The following DGKB variants were observed in gnomAD, a reference collection of about 807,000 sequenced individuals.
DGKB encodes the protein diacylglycerol kinase beta, also known as 90 kDa diacylglycerol kinase.
In DGKB, 67 loss-of-function variants were observed where a neutral mutation model predicts 114.3. The ratio of observed to expected loss-of-function variants is 0.59; its 90% CI spans 0.48 to 0.72. The LOEUF is 0.72. Ranked by LOEUF, DGKB falls within the 30% of genes least tolerant of loss-of-function variation. DGKB has a pLI of 0.00. For missense variants in DGKB, 907 were observed against 975.2 expected (o/e 0.93, Z 0.93); for synonymous variants, 398 against 323.1 (o/e 1.23, Z -2.49).
intron 13 of DGKB, among the ~76,000 whole-genome samples, chr7:14,634,092 G>A (rs905596904): frequency 2.0e-5 from 3 of 150,984 alleles, no homozygotes; most frequent in African/African-American, 7.3e-5. Context: ...AGTTATTTCA[G>A]GCTAAAGGAA....
chr7:14,470,847 G>T (rs1781175185), intron 21 of DGKB, among the ~76,000 whole-genome samples: 1 of 151,508 alleles, frequency 6.6e-6, no homozygotes, highest in Non-Finnish European at 1.5e-5. Context: ...ATATCATCAT[G>T]ATGTAAGACA....
At chr7:14,942,109 TA>T (rs1238816154) in intron 1 of DGKB, among the ~76,000 whole-genome samples, 5 of 151,350 alleles carry the variant, frequency 3.3e-5, no homozygotes, top group Non-Finnish European at 5.9e-5. Flanking sequence ...GACCTCAGAT[TA>T]AAAAAACTTT....
intron 21 of DGKB, among the ~76,000 whole-genome samples, chr7:14,437,534 A>G (rs887576118): frequency 6.6e-6 from 1 of 152,010 alleles, no homozygotes; most frequent in Non-Finnish European, 1.5e-5. Context: ...AAAATTATTT[A>G]CTTACCAAAT....
Position 14,917,325 on chromosome 7 carries a change from A to T in DGKB, c.-188+57371T>A, listed in dbSNP as rs548851601. ...AAAACATGAAATCAATAGCAAAAAA[A>T]TCAATGAAAGCAAAAGTTAGATCTT... is the stretch of plus-strand genomic sequence containing the variant. On this transcript the variant is annotated intron_variant, in intron 1 of 4. Coordinates refer to the DGKB transcript ENST00000437998. 1.2e-4 allele frequency among the ~76,000 whole-genome samples: 19 copies of T among 152,224 alleles called. No homozygotes were observed. The South Asian group carries it at 3.9e-3, about 32-fold the overall frequency.
intron 23 of DGKB, among the ~76,000 whole-genome samples, chr7:14,216,090 C>T (rs1373079534): frequency 6.6e-6 from 1 of 151,614 alleles, no homozygotes; most frequent in African/African-American, 2.4e-5. Context: ...ATGAGTATAA[C>T]AAATTTAAAA....
chr7:14,541,458 A>G (rs1793431740), intron 20 of DGKB, among the ~76,000 whole-genome samples: 1 of 152,224 alleles, frequency 6.6e-6, no homozygotes, highest in Non-Finnish European at 1.5e-5. Context: ...ATTGAGAATA[A>G]GCAAGTCATA....
chr7:14,871,084 C>T (rs60790447), intron 1 of DGKB, among the ~76,000 whole-genome samples: 14 of 204 alleles, frequency 0.069, 7 homozygotes, highest in African/African-American at 0.069. Flanking sequence ...GAGCGAGACT[C>T]CGTCTCAAAA....
intron 8 of DGKB, 98 bp from the exon 9 acceptor site, chr7:14,694,292 G>T: frequency 1.9e-6 from 2 of 1,080,868 alleles, no homozygotes; most frequent in South Asian, 1.5e-5. Context: ...TAAGTGGAGA[G>T]TTGGGATAAC....
intron 6 of DGKB, among the ~76,000 whole-genome samples, chr7:14,712,621 A>C (rs1827555769): frequency 6.6e-6 from 1 of 152,088 alleles, no homozygotes; most frequent in South Asian, 2.1e-4. Context: ...CAGGGAGCCA[A>C]GACTGTGCCA....
intron 12 of DGKB, among the ~76,000 whole-genome samples, chr7:14,680,789 C>G (rs960397366): frequency 2.0e-5 from 3 of 151,850 alleles, no homozygotes; most frequent in African/African-American, 7.3e-5. Context: ...AAAATTCTAA[C>G]AGCTTTGAAA....
intron 21 of DGKB, among the ~76,000 whole-genome samples, chr7:14,369,915 T>C (rs1474252309): frequency 6.6e-6 from 1 of 152,222 alleles, no homozygotes; most frequent in African/African-American, 2.4e-5. Context: ...TATCTGATTA[T>C]AGTTTCTTTT....
chr7:14,190,367 AC>A (rs1784117544), intron 23 of DGKB, among the ~76,000 whole-genome samples: 1 of 152,260 alleles, frequency 6.6e-6, no homozygotes, highest in Admixed American at 6.5e-5. Flanking sequence ...TCTTACCAAA[AC>A]CCATGGGACA....
chr7:14,834,498 G>C (rs1586808431), intron 2 of DGKB, among the ~76,000 whole-genome samples: 1 of 152,122 alleles, frequency 6.6e-6, no homozygotes, highest in Non-Finnish European at 1.5e-5. Flanking sequence ...CACTTGCAGG[G>C]AGAAGGTATC....
At chr7:14,797,273 A>G (rs1305858214) in intron 2 of DGKB, among the ~76,000 whole-genome samples, 1 of 152,128 alleles carries the variant, frequency 6.6e-6, no homozygotes, top group Admixed American at 6.5e-5. Context: ...CCTTGAATGA[A>G]AGGTAGTCCA....
intron 20 of DGKB, among the ~76,000 whole-genome samples, chr7:14,515,491 A>G (rs1378549145): frequency 6.6e-6 from 1 of 152,226 alleles, no homozygotes; most frequent in East Asian, 1.9e-4. Context: ...AACATGTTTA[A>G]TAATTAAAAT....
In DGKB at chr7:14,151,406, G is replaced by GT. The variant is rs200407018; in HGVS notation, c.2305-2169dup. On this transcript the variant is annotated intron_variant, in intron 25 of 25. Transcript: ENST00000402815. ...CTATAAGACTTAGCTTCTTCTCTGT[G>GT]TTTTTTTTTGGCGGGGGCATATAAA... is the stretch of plus-strand genomic sequence containing the variant. 2.7e-3 allele frequency among the ~76,000 whole-genome samples: 403 copies of GT among 147,024 alleles called. 3 individuals carry two copies. The highest frequency in any genetic ancestry group is 5.0e-3 in the African/African-American group (203 of 40,212).
intron 25 of DGKB, among the ~76,000 whole-genome samples, chr7:14,165,195 A>G (rs1405629293): frequency 6.6e-6 from 1 of 152,212 alleles, no homozygotes; most frequent in Non-Finnish European, 1.5e-5. Context: ...TTAAAGTGCT[A>G]GGAAAGTTGA....
At chr7:14,557,435 A>G (rs1015890216) in intron 20 of DGKB, among the ~76,000 whole-genome samples, 8 of 152,122 alleles carry the variant, frequency 5.3e-5, no homozygotes, top group Non-Finnish European at 1.2e-4. Flanking sequence ...TTAGGGGAGA[A>G]AAAAGCTTTG....
intron 1 of DGKB, among the ~76,000 whole-genome samples, chr7:14,878,419 T>C (rs1037395286): frequency 1.3e-5 from 2 of 152,152 alleles, no homozygotes; most frequent in African/African-American, 2.4e-5. Flanking sequence ...GAAGAGTCAC[T>C]TATAAACTAT....
Sources: gnomAD v4.1 joint callset for allele counts (sites outside exome capture counted in the v4.1 genomes callset) on GRCh38, gnomAD v4.1.1 for gene constraint, MANE v1.5 for transcripts, NCBI Gene and HGNC (gene_info 2026-07-23, HGNC 2026-07-21) for gene names.